The following CFAP299 variants were observed in gnomAD, a reference collection of about 807,000 sequenced individuals.
The protein encoded by CFAP299 is cilia- and flagella-associated protein 299.
In CFAP299, 21 loss-of-function variants were observed where a neutral mutation model predicts 27.0. That is an observed-to-expected ratio of 0.78 (90% CI 0.55 to 1.12). The LOEUF (loss-of-function observed/expected upper bound fraction) is 1.12. CFAP299 is among the 50% of genes most tolerant of loss of function. CFAP299 has a pLI of 0.00. For synonymous variants in CFAP299, 104 were observed against 98.1 expected (o/e 1.06, Z -0.36); for missense variants, 310 against 276.6 (o/e 1.12, Z -0.86).
At chr4:80,939,822 G>C (rs748809512) in intron 4 of CFAP299, among the ~76,000 whole-genome samples, 5 of 152,012 alleles carry the variant, frequency 3.3e-5, no homozygotes, top group Non-Finnish European at 7.4e-5. Context: ...AGATTTTGAG[G>C]GTCTCTCAGG....
intron 2 of CFAP299, among the ~76,000 whole-genome samples, chr4:80,392,180 A>G (rs1169828438): frequency 6.6e-6 from 1 of 152,196 alleles, no homozygotes; most frequent in African/African-American, 2.4e-5. Context: ...CATTGTATCT[A>G]AGAAGTAACT....
chr4:80,709,918 A>G (rs983534996), intron 3 of CFAP299, among the ~76,000 whole-genome samples: 2 of 152,162 alleles, frequency 1.3e-5, no homozygotes, highest in Non-Finnish European at 2.9e-5. Context: ...ATTTCAAGAG[A>G]CAGAAGAATG....
intron 3 of CFAP299, among the ~76,000 whole-genome samples, chr4:80,588,691 T>C (rs1220015773): frequency 6.9e-6 from 1 of 144,074 alleles, no homozygotes; most frequent in African/African-American, 2.9e-5. Flanking sequence ...ATGCTGTGTT[T>C]TTTGAACTGA....
At chr4:80,812,767 T>G (rs537131432) in intron 3 of CFAP299, among the ~76,000 whole-genome samples, 2 of 152,266 alleles carry the variant, frequency 1.3e-5, no homozygotes, top group Admixed American at 1.3e-4. Context: ...CTTTAGTTGA[T>G]CAATTTATGT....
chr4:80,447,168 C>T (rs1728674277), intron 2 of CFAP299, among the ~76,000 whole-genome samples: 1 of 112,108 alleles, frequency 8.9e-6, no homozygotes, highest in Non-Finnish European at 1.7e-5. Context: ...CGGAGTCTCG[C>T]TCTGTCACCC....
chr4:80,620,954 G>C (rs1330526898), intron 3 of CFAP299, among the ~76,000 whole-genome samples: 1 of 152,004 alleles, frequency 6.6e-6, no homozygotes, highest in African/African-American at 2.4e-5. Flanking sequence ...CAAAACAATT[G>C]AAGCTGTTAT....
At chr4:80,510,592 C>T (rs916344711) in intron 2 of CFAP299, among the ~76,000 whole-genome samples, 2 of 152,152 alleles carry the variant, frequency 1.3e-5, no homozygotes, top group Non-Finnish European at 2.9e-5. Flanking sequence ...ATTCCCGCAA[C>T]AGTACACAAG....
At chr4:80,680,436 C>T (rs1719766430) in intron 3 of CFAP299, among the ~76,000 whole-genome samples, 1 of 152,036 alleles carries the variant, frequency 6.6e-6, no homozygotes, top group Non-Finnish European at 1.5e-5. Flanking sequence ...TTCCTTAGAA[C>T]TTTGTTTTCA....
intron 2 of CFAP299, among the ~76,000 whole-genome samples, chr4:80,485,073 C>CTTAA (rs970080201): frequency 3.9e-5 from 6 of 152,054 alleles, no homozygotes; most frequent in African/African-American, 1.4e-4. Context: ...CTCAGCTAGG[C>CTTAA]TTAACATCAG....
intron 2 of CFAP299, chr4:80,387,921 G>T (rs1725106939): frequency 2.3e-6 from 2 of 859,376 alleles, no homozygotes; most frequent in Admixed American, 3.6e-5. Flanking sequence ...TGGTCATGGG[G>T]CAGCAGGGTT....
At chr4:80,608,169 AT>A (rs201275041) in intron 3 of CFAP299, among the ~76,000 whole-genome samples, 1 of 151,424 alleles carries the variant, frequency 6.6e-6, no homozygotes, top group Non-Finnish European at 1.5e-5. Context: ...GAGCTATCTA[AT>A]TTTTTTTTAC....
At chr4:80,507,870 A>T (rs1732111848) in intron 2 of CFAP299, among the ~76,000 whole-genome samples, 1 of 152,170 alleles carries the variant, frequency 6.6e-6, no homozygotes. Context: ...ATAAATTATA[A>T]CTGATTCCTA....
At chr4:80,550,388 C>G (rs1193267657) in intron 2 of CFAP299, among the ~76,000 whole-genome samples, 1 of 152,032 alleles carries the variant, frequency 6.6e-6, no homozygotes, top group Admixed American at 6.6e-5. Flanking sequence ...TCACTATATG[C>G]AACTCTTCAA....
intron 1 of CFAP299, among the ~76,000 whole-genome samples, chr4:80,341,356 G>A (rs1722442634): frequency 6.6e-6 from 1 of 152,166 alleles, no homozygotes; most frequent in African/African-American, 2.4e-5. Flanking sequence ...GCTTCTTTCA[G>A]TGGGCTCTTG....
chr4:80,485,530 G>C (rs934989845), intron 2 of CFAP299, among the ~76,000 whole-genome samples: 1 of 151,910 alleles, frequency 6.6e-6, no homozygotes, highest in African/African-American at 2.4e-5. Context: ...GGAGAAATTT[G>C]AATAACATTT....
intron 3 of CFAP299, among the ~76,000 whole-genome samples, chr4:80,658,909 AG>A (rs1740692615): frequency 6.6e-6 from 1 of 152,180 alleles, no homozygotes; most frequent in African/African-American, 2.4e-5. Flanking sequence ...ATTTCATAAT[AG>A]TAGCAGCTGT....
intron 4 of CFAP299, among the ~76,000 whole-genome samples, chr4:80,911,338 T>C (rs1735464583): frequency 6.6e-6 from 1 of 151,666 alleles, no homozygotes; most frequent in South Asian, 2.1e-4. Context: ...CAAACTCACA[T>C]TTGAAGATAT....
chr4:80,828,925 A>T (rs1730142625), intron 3 of CFAP299, among the ~76,000 whole-genome samples: 1 of 152,106 alleles, frequency 6.6e-6, no homozygotes, highest in African/African-American at 2.4e-5. Context: ...CATCACATAA[A>T]AAAATTAACA....
intron 3 of CFAP299, chr4:80,583,421 T>C (rs1014681212): frequency 3.5e-5 from 8 of 228,260 alleles, no homozygotes; most frequent in African/African-American, 1.6e-4. Flanking sequence ...GCAGAGAAAA[T>C]GCCTATGCAT....
Sources: allele counts gnomAD v4.1 joint callset (sites outside exome capture counted in the v4.1 genomes callset), GRCh38; gene constraint gnomAD v4.1.1; transcripts MANE v1.5; gene names NCBI Gene and HGNC (gene_info 2026-07-23, HGNC 2026-07-21).